Variants in LSAMP observed in about 807,000 individuals in gnomAD.
LSAMP encodes the protein limbic system-associated membrane protein.
Under a neutral mutation model 38.6 loss-of-function variants are expected in LSAMP, and 7 were observed. The ratio of observed to expected loss-of-function variants is 0.18; its 90% CI spans 0.10 to 0.34. The LOEUF is 0.34. LSAMP is among the 10% of genes least tolerant of loss of function. The pLI is 1.00. For synonymous variants in LSAMP, 154 were observed against 166.8 expected (o/e 0.92, Z 0.59); for missense variants, 313 against 420.0 (o/e 0.75, Z 2.23).
chr3:116,212,154 A>C (rs2046165355), intron 1 of LSAMP, among the ~76,000 whole-genome samples: 1 of 152,220 alleles, frequency 6.6e-6, no homozygotes, highest in Non-Finnish European at 1.5e-5. Context: ...ACTTCTGGAA[A>C]ATAATGAACC....
Position 116,445,256 on chromosome 3 carries a change from A to T in LSAMP, c.-225T>A. On this transcript the variant is annotated 5_prime_UTR_variant, in exon 1 of 7. Coordinates refer to ENST00000490035, the MANE Select transcript of LSAMP (RefSeq NM_002338.5). ...AAACCCAAGCAGAAGGGTGAAAAGTAAAAGCAACACAATTTCAAAAGAGAG... is the reference window on the plus strand; with the variant it reads ...AAACCCAAGCAGAAGGGTGAAAAGTTAAAGCAACACAATTTCAAAAGAGAG... 1 of 591,714 alleles carries T rather than the reference A, an allele frequency of 1.7e-6. No individual in the cohort carries two copies. Among genetic ancestry groups the T allele is most frequent in the Non-Finnish European group, 3.0e-6 (1 of 333,110 alleles). The allele number at this position is 591,714 out of a possible 1,614,324, so 36.7% of individuals were successfully genotyped here.
At chr3:116,151,861 G>C (rs1166904668) in intron 1 of LSAMP, among the ~76,000 whole-genome samples, 7 of 152,042 alleles carry the variant, frequency 4.6e-5, no homozygotes, top group African/African-American at 7.2e-5. Flanking sequence ...GGGTTGACTA[G>C]GCACATGTTT....
chr3:116,313,746 G>C (rs2047589555), intron 1 of LSAMP, among the ~76,000 whole-genome samples: 1 of 152,238 alleles, frequency 6.6e-6, no homozygotes, highest in Non-Finnish European at 1.5e-5. Context: ...CTGAGGTCAG[G>C]TGTTTGAGAC....
chr3:116,041,363 C>T (rs534806147), intron 2 of LSAMP, among the ~76,000 whole-genome samples: 4 of 152,252 alleles, frequency 2.6e-5, no homozygotes, highest in Admixed American at 6.5e-5. Flanking sequence ...ATCAAACATG[C>T]TTGTCCAAAG....
intron 1 of LSAMP, among the ~76,000 whole-genome samples, chr3:116,434,238 T>A (rs2107877385): frequency 6.6e-6 from 1 of 152,318 alleles, no homozygotes; most frequent in East Asian, 1.9e-4. Context: ...GTCAGCTTGA[T>A]TTATAGTACA....
intron 3 of LSAMP, among the ~76,000 whole-genome samples, chr3:115,896,967 G>A (rs1936744996): frequency 6.6e-6 from 1 of 152,074 alleles, no homozygotes; most frequent in African/African-American, 2.4e-5. Flanking sequence ...TGCCCTTTGG[G>A]GTTGTATCTA....
intron 1 of LSAMP, among the ~76,000 whole-genome samples, chr3:116,347,181 C>A (rs1289662484): frequency 1.3e-5 from 2 of 152,086 alleles, no homozygotes; most frequent in Admixed American, 1.3e-4. Context: ...TAAATAAAAC[C>A]AAAGTCATAA....
At chr3:116,252,038 G>T (rs1332552978) in intron 1 of LSAMP, among the ~76,000 whole-genome samples, 2 of 152,174 alleles carry the variant, frequency 1.3e-5, no homozygotes. Flanking sequence ...CAAAAAGCCA[G>T]TATTTCTCCT....
intron 1 of LSAMP, chr3:116,369,816 T>C (rs1374209744): frequency 6.6e-6 from 1 of 152,560 alleles, no homozygotes; most frequent in Non-Finnish European, 1.5e-5. Context: ...CCAACATGAC[T>C]GCTGTCTTTA....
At chr3:116,353,377 A>G (rs1481614659) in intron 1 of LSAMP, among the ~76,000 whole-genome samples, 1 of 152,114 alleles carries the variant, frequency 6.6e-6, no homozygotes, top group African/African-American at 2.4e-5. Flanking sequence ...TAATTATAGT[A>G]CTTGATAATA....
At chr3:115,990,192 A>C (rs1269006887) in intron 3 of LSAMP, among the ~76,000 whole-genome samples, 4 of 151,934 alleles carry the variant, frequency 2.6e-5, no homozygotes, top group African/African-American at 9.7e-5. Flanking sequence ...TGAGATAGAA[A>C]TCTCCCTGCA....
chr3:116,148,805 T>C (rs1468108523), intron 1 of LSAMP, among the ~76,000 whole-genome samples: 1 of 152,072 alleles, frequency 6.6e-6, no homozygotes, highest in African/African-American at 2.4e-5. Context: ...GTAACAATAT[T>C]GGACAATAGT....
chr3:116,200,978 A>G, intron 1 of LSAMP, among the ~76,000 whole-genome samples: 1 of 152,226 alleles, frequency 6.6e-6, no homozygotes, highest in East Asian at 1.9e-4. Flanking sequence ...TTTGCATAAT[A>G]TGGAGCTCTG....
intron 1 of LSAMP, among the ~76,000 whole-genome samples, chr3:116,246,046 TCTTTA>T (rs1333855259): frequency 6.6e-6 from 1 of 152,150 alleles, no homozygotes; most frequent in African/African-American, 2.4e-5. Context: ...CAGTCCAAAC[TCTTTA>T]CTTCCCAATG....
intron 2 of LSAMP, among the ~76,000 whole-genome samples, chr3:116,031,354 G>T (rs543251746): frequency 6.6e-6 from 1 of 152,040 alleles, no homozygotes; most frequent in South Asian, 2.1e-4. Context: ...TGTTTCAGCA[G>T]AAGTACCAGC....
chr3:116,096,955 G>A (rs150291761), intron 1 of LSAMP, among the ~76,000 whole-genome samples: 1 of 152,210 alleles, frequency 6.6e-6, no homozygotes, highest in Admixed American at 6.5e-5. Flanking sequence ...GAGAGGATGA[G>A]AAACAACTTT....
chr3:115,933,141 G>A (rs1011953521), intron 3 of LSAMP, among the ~76,000 whole-genome samples: 1 of 152,202 alleles, frequency 6.6e-6, no homozygotes. Flanking sequence ...GAGAGACCCT[G>A]TTGTGGTCAG....
intron 1 of LSAMP, among the ~76,000 whole-genome samples, chr3:116,127,198 T>C (rs1709027075): frequency 6.6e-6 from 1 of 152,228 alleles, no homozygotes; most frequent in African/African-American, 2.4e-5. Flanking sequence ...TAATTTACCA[T>C]ATGAAGTTTT....
At chr3:116,003,416 G>A (rs1940057917) in intron 3 of LSAMP, among the ~76,000 whole-genome samples, 1 of 152,130 alleles carries the variant, frequency 6.6e-6, no homozygotes, top group African/African-American at 2.4e-5. Context: ...GCAAGAGTTG[G>A]AGCTCCCCAC....
Sources: gnomAD v4.1 joint callset for allele counts (sites outside exome capture counted in the v4.1 genomes callset) on GRCh38, gnomAD v4.1.1 for gene constraint, MANE v1.5 for transcripts, NCBI Gene and HGNC (gene_info 2026-07-23, HGNC 2026-07-21) for gene names.